The following PHF8 variants were observed in gnomAD, a reference collection of about 807,000 sequenced individuals.
The protein encoded by PHF8 is PHD finger protein 8.
Under a neutral mutation model 74.4 loss-of-function variants are expected in PHF8, and 9 were observed. The observed-to-expected ratio is 0.12, with a 90% CI of 0.07 to 0.21. PHF8 has a LOEUF of 0.21. PHF8 is among the 10% of genes least tolerant of loss of function. The pLI, the probability that PHF8 is intolerant of heterozygous loss-of-function variation, is 1.00. For missense variants in PHF8, 478 were observed against 816.6 expected (o/e 0.59, Z 5.05); for synonymous variants, 311 against 316.6 (o/e 0.98, Z 0.19).
intron 6 of PHF8, 89 bp from the exon 7 acceptor site, chrX:54,014,652 T>A: frequency 1.6e-6 from 1 of 617,782 alleles, no homozygotes; most frequent in Non-Finnish European, 2.6e-6. Flanking sequence ...TCAGTGAGGG[T>A]CAGATAAGTC....
At chrX:54,010,412 G>A (rs782531604) in intron 8 of PHF8, among the ~76,000 whole-genome samples, 7 of 111,766 alleles carry the variant, frequency 6.3e-5, no homozygotes, top group Non-Finnish European at 1.3e-4. Context: ...GCAGATGATC[G>A]CAACTTATTT....
Position 53,937,945 on chromosome X carries a change from A to G in PHF8, c.*1213T>C, listed in dbSNP as rs2064691331. ...TGGAGACAATCCACGAAGGAAGGAC[A>G]GGGGAAGGGGAGGATCGGATGGATG... On this transcript the variant is annotated 3_prime_UTR_variant, in exon 22 of 22. Coordinates refer to ENST00000338154, the MANE Select transcript of PHF8 (RefSeq NM_015107.3). 9.1e-7 allele frequency: 1 copy of G among 1,093,621 alleles called. No individual in the cohort carries two copies. The highest frequency in any genetic ancestry group is 1.2e-6 in the Non-Finnish European group (1 of 807,509). The allele number at this position is 1,093,621 out of a possible 1,213,427, so 90.1% of individuals were successfully genotyped here.
chrX:53,989,804 T>C (rs1243879849), intron 14 of PHF8, among the ~76,000 whole-genome samples: 1 of 112,112 alleles, frequency 8.9e-6, no homozygotes, highest in Non-Finnish European at 1.9e-5. Context: ...GGGTTGAGGA[T>C]TAAATGAGCT....
rs965219784 is a variant in PHF8 at position 53,937,304 on chromosome X, T to C, written c.*1854A>G. ...AAAGGCCGGAATCGGGGGGATTTGC[T>C]AGCAATTAGCTGCCTTTGAAAGATC... On this transcript the variant is annotated 3_prime_UTR_variant, in exon 22 of 22. Transcript: ENST00000338154. 9.0e-6 allele frequency: 1 copy of C among 111,606 alleles called. No individual in the cohort carries two copies. The highest frequency in any genetic ancestry group is 1.9e-5 in the Non-Finnish European group (1 of 53,093). The allele number at this position is 111,606 out of a possible 1,213,427, so 9.2% of individuals were successfully genotyped here.
chrX:53,987,205 G>T (rs1557099834), intron 15 of PHF8, 42 bp from the exon 16 acceptor site: 2 of 868,717 alleles, frequency 2.3e-6, no homozygotes, highest in South Asian at 2.0e-5. Flanking sequence ...GCTATGATTA[G>T]CATTTCAGCC....
intron 2 of PHF8, among the ~76,000 whole-genome samples, chrX:54,030,840 A>G (rs1557112395): frequency 1.8e-5 from 2 of 112,211 alleles, no homozygotes; most frequent in Non-Finnish European, 3.8e-5. Flanking sequence ...TGTGAACTTA[A>G]GCAATTTATA....
At chrX:53,969,502 C>T (rs1022965605) in intron 18 of PHF8, among the ~76,000 whole-genome samples, 1 of 111,615 alleles carries the variant, frequency 9.0e-6, no homozygotes, top group Non-Finnish European at 1.9e-5. Context: ...ATAGCATATG[C>T]ACATGTATTG....
At position 53,976,045 on chromosome X, in the gene PHF8, T is replaced by C. The variant is rs185819578; in HGVS notation, c.2443+8869A>G. ...AATAAAAAAAAAAGGCTGGGCATGG[T>C]GGCTCACACCTTTAGTCCCAGTACT... is the stretch of plus-strand genomic sequence containing the variant. On this transcript the variant is annotated intron_variant, in intron 18 of 21. Coordinates refer to ENST00000338154, the MANE Select transcript of PHF8 (RefSeq NM_015107.3). Among the ~76,000 whole-genome samples the C allele has an allele frequency of 4.8e-3, 528 of 110,933 alleles. 4 individuals are homozygous for C. The highest frequency in any genetic ancestry group is 0.017 in the African/African-American group (510 of 30,592).
At chrX:53,969,292 T>A (rs1407040388) in intron 18 of PHF8, among the ~76,000 whole-genome samples, 4 of 109,348 alleles carry the variant, frequency 3.7e-5, no homozygotes, top group African/African-American at 1.3e-4. Context: ...AAAATCAACA[T>A]ACAAAAATCA....
intron 16 of PHF8, among the ~76,000 whole-genome samples, chrX:53,986,644 T>C (rs2065570400): frequency 8.9e-6 from 1 of 112,467 alleles, no homozygotes; most frequent in Non-Finnish European, 1.9e-5. Context: ...TTTCACTTAA[T>C]AAATATTTCA....
At chrX:53,972,629 T>C (rs2065313030) in intron 18 of PHF8, among the ~76,000 whole-genome samples, 1 of 111,395 alleles carries the variant, frequency 9.0e-6, no homozygotes, top group Non-Finnish European at 1.9e-5. Context: ...ATTATCTAGG[T>C]ACTGAAGGAA....
chrX:54,045,631 G>GT (rs1171569210), upstream of PHF8, among the ~76,000 whole-genome samples: 6 of 112,916 alleles, frequency 5.3e-5, no homozygotes, highest in African/African-American at 1.9e-4. Flanking sequence ...TGCAGCTGCT[G>GT]TAAGAAAGAC....
rs1333636508 is a variant in PHF8 at position 54,016,700 on chromosome X, C to T, written c.491G>A (p.Arg164His). Residue 164 changes from arginine (R) to histidine (H), a missense_variant, in exon 6 of 22, where the codon CGC becomes CAC. Arg to His is a conservative substitution (Grantham distance 29, BLOSUM62 0). Coordinates refer to ENST00000338154, the MANE Select transcript of PHF8 (RefSeq NM_015107.3). ...AAGCTTCATCTTGCAGTCAGCCTGG[C>T]GGGTCACATCAATCACATCAATCTC... ...DKEIDVIDVT[R>H]QADCKMKLGD... 9.2e-6 allele frequency: 11 copies of T among 1,198,465 alleles called. No individual in the cohort carries two copies. Among genetic ancestry groups the T allele is most frequent in the Non-Finnish European group, 1.2e-5 (11 of 885,685 alleles).
chrX:54,037,892 A>T, intron 2 of PHF8, among the ~76,000 whole-genome samples: 1 of 112,687 alleles, frequency 8.9e-6, no homozygotes, highest in Middle Eastern at 4.6e-3. Context: ...CTAAGGCTTC[A>T]CAGATAAGAA....
chrX:53,961,326 A>G (rs946585551), intron 19 of PHF8, among the ~76,000 whole-genome samples: 1 of 106,312 alleles, frequency 9.4e-6, no homozygotes, highest in Admixed American at 1.0e-4. Context: ...CACCTAGCCA[A>G]ATTTTTTTTT....
At chrX:53,978,151 T>C (rs2065416196) in intron 18 of PHF8, among the ~76,000 whole-genome samples, 1 of 108,623 alleles carries the variant, frequency 9.2e-6, no homozygotes, top group Non-Finnish European at 1.9e-5. Context: ...TTTGACCATA[T>C]TGGCCAGGCT....
At chrX:54,048,852 C>A (rs2066644904), upstream of PHF8, 1 of 112,457 alleles carries the variant, frequency 8.9e-6, no homozygotes, top group South Asian at 3.6e-4. Flanking sequence ...TATAAACATT[C>A]AAACAGCCAG....
At chrX:54,021,991 T>TG (rs1260765623) in intron 4 of PHF8, among the ~76,000 whole-genome samples, 5 of 112,058 alleles carry the variant, frequency 4.5e-5, no homozygotes, top group Non-Finnish European at 7.5e-5. Flanking sequence ...TTCTTCTCTA[T>TG]GAGAGAATTA....
chrX:54,028,914 A>C (rs1305555640), intron 2 of PHF8, among the ~76,000 whole-genome samples: 2 of 112,167 alleles, frequency 1.8e-5, no homozygotes, highest in Non-Finnish European at 3.8e-5. Context: ...GATCTTGGAC[A>C]AGTTACTTAA....
Sources: gnomAD v4.1 joint callset for allele counts (sites outside exome capture counted in the v4.1 genomes callset) on GRCh38, gnomAD v4.1.1 for gene constraint, MANE v1.5 for transcripts, NCBI Gene and HGNC (gene_info 2026-07-23, HGNC 2026-07-21) for gene names.